PTGR1: variants seen among roughly 807,000 people sequenced by gnomAD.
The protein encoded by PTGR1 is prostaglandin reductase 1.
PTGR1 carries 23 observed loss-of-function variants against 37.7 expected under a neutral mutation model. The observed-to-expected ratio is 0.61, with a 90% confidence interval of 0.44 to 0.86. The LOEUF is 0.86. Among genes scored for constraint, PTGR1 ranks in the 40% least tolerant of loss-of-function variants. PTGR1 has a pLI of 0.00. For synonymous variants in PTGR1, 134 were observed against 140.0 expected (o/e 0.96, Z 0.30); for missense variants, 351 against 394.3 (o/e 0.89, Z 0.93).
intron 2 of PTGR1, among the ~76,000 whole-genome samples, chr9:111,595,860 C>G (rs1193169354): frequency 6.6e-6 from 1 of 152,066 alleles, no homozygotes; most frequent in Non-Finnish European, 1.5e-5. Context: ...GTCTCGATCT[C>G]CTGACCTTGT....
intron 4 of PTGR1, among the ~76,000 whole-genome samples, chr9:111,587,833 T>C (rs1407279441): frequency 6.6e-6 from 1 of 152,208 alleles, no homozygotes; most frequent in East Asian, 1.9e-4. Flanking sequence ...TTGGTCTATA[T>C]AATTTATACT....
intron 6 of PTGR1, 76 bp downstream of exon 6, chr9:111,583,395 AG>A: frequency 8.1e-7 from 1 of 1,236,298 alleles, no homozygotes. Flanking sequence ...CCTGAGGCCA[AG>A]GAAGATTTGC....
Position 111,578,953 on chromosome 9 carries a change from T to C in PTGR1, c.496-2A>G. The C allele has an allele frequency of 2.6e-6, 4 of 1,528,312 alleles. No homozygotes were observed. Among genetic ancestry groups the C allele is most frequent in the East Asian group, 2.3e-5 (1 of 42,792 alleles). 94.7% of individuals were successfully genotyped at this position (1,528,312 alleles called of 1,614,324 possible). A position where few individuals can be genotyped will look rare whatever the true frequency, so the allele number is the denominator to read the frequency against. ...TACTGCTCCAACAACTTTGCAGCCC[T>C]AAGTAGAAAAAAAAAAAAAAAGGAA... On this transcript the variant is annotated splice_acceptor_variant, in intron 6 of 9. Transcript: ENST00000407693. LOFTEE classifies it high-confidence loss of function.
chr9:111,581,122 C>T (rs1162622420), intron 6 of PTGR1, among the ~76,000 whole-genome samples: 1 of 152,160 alleles, frequency 6.6e-6, no homozygotes, highest in East Asian at 1.9e-4. Context: ...TATGAGGAGC[C>T]TCAGCTATGA....
intron 9 of PTGR1, chr9:111,569,875 G>A: frequency 1.5e-6 from 1 of 666,674 alleles, no homozygotes; most frequent in Non-Finnish European, 2.4e-6. Flanking sequence ...AAATGGACCT[G>A]CATTTGCAGT....
downstream of PTGR1, among the ~76,000 whole-genome samples, chr9:111,558,601 G>C (rs1384434168): frequency 6.6e-6 from 1 of 152,162 alleles, no homozygotes; most frequent in African/African-American, 2.4e-5. Context: ...TTTTAGTAGA[G>C]AATAATATAT....
intron 5 of PTGR1, 125 bp downstream of exon 5, chr9:111,585,873 C>T: frequency 9.1e-7 from 1 of 1,104,966 alleles, no homozygotes; most frequent in African/African-American, 1.6e-5. Context: ...CTGCCCTCTT[C>T]TCTGATCAGC....
chr9:111,553,110 TACAC>T (rs1828019083), intron 9 of PTGR1, among the ~76,000 whole-genome samples: 1 of 152,228 alleles, frequency 6.6e-6, no homozygotes, highest in Non-Finnish European at 1.5e-5. Flanking sequence ...TTTTTTGACT[TACAC>T]TCACTAAATG....
chr9:111,572,681 C>T (rs1284888163), intron 8 of PTGR1, among the ~76,000 whole-genome samples: 1 of 138,900 alleles, frequency 7.2e-6, no homozygotes, highest in Non-Finnish European at 1.5e-5. Flanking sequence ...CACTTGAGCC[C>T]AGAAGGTGGA....
At position 111,562,831 on chromosome 9, in the gene PTGR1, G is replaced by T; in HGVS notation, c.*290C>A. 1.6e-6 allele frequency: 1 copy of T among 608,090 alleles called. No homozygotes were observed. The highest frequency in any genetic ancestry group is 2.3e-6 in the Non-Finnish European group (1 of 436,844). The allele number at this position is 608,090 out of a possible 1,614,324, so 37.7% of individuals were successfully genotyped here. A position where few individuals can be genotyped will look rare whatever the true frequency, so the allele number is the denominator to read the frequency against. ...TTCTCATTGTTCAGCTCCCACTTATGAATGAAAACATACAGTGTTTGGAAA... is the reference window on the plus strand; with the variant it reads ...TTCTCATTGTTCAGCTCCCACTTATTAATGAAAACATACAGTGTTTGGAAA... On this transcript the variant is annotated 3_prime_UTR_variant, in exon 10 of 10. Transcript: ENST00000407693.
chr9:111,591,852 A>T (rs899517728), intron 4 of PTGR1, among the ~76,000 whole-genome samples: 1 of 152,236 alleles, frequency 6.6e-6, no homozygotes, highest in Non-Finnish European at 1.5e-5. Context: ...TTGTGAATAC[A>T]AAGTTGCATG....
chr9:111,581,762 C>T (rs1386246987), intron 6 of PTGR1, among the ~76,000 whole-genome samples: 2 of 152,078 alleles, frequency 1.3e-5, no homozygotes, highest in Non-Finnish European at 2.9e-5. Flanking sequence ...AGGCACACAG[C>T]ACTGCACCTG....
At chr9:111,565,777 A>C (rs7871084) in intron 9 of PTGR1, among the ~76,000 whole-genome samples, 8,718 of 151,966 alleles carry the variant, frequency 0.057, 838 homozygotes, top group African/African-American at 0.2. Flanking sequence ...CTCCTGCCTC[A>C]CCCTCCTAAA....
At chr9:111,572,308 A>G (rs576613343) in intron 8 of PTGR1, among the ~76,000 whole-genome samples, 4 of 152,338 alleles carry the variant, frequency 2.6e-5, no homozygotes, top group Admixed American at 6.5e-5. Flanking sequence ...TCTTAAATGA[A>G]AGTGGGATGG....
downstream of PTGR1, among the ~76,000 whole-genome samples, chr9:111,562,302 G>A (rs1268125553): frequency 2.1e-5 from 3 of 143,442 alleles, no homozygotes; most frequent in Non-Finnish European, 3.0e-5. Context: ...TTGAGATAGA[G>A]TCTCGCTCTG....
At chr9:111,568,831 A>C (rs1279227392) in intron 9 of PTGR1, among the ~76,000 whole-genome samples, 1 of 152,210 alleles carries the variant, frequency 6.6e-6, no homozygotes, top group Non-Finnish European at 1.5e-5. Flanking sequence ...CCCCCGATAC[A>C]CTACAAGCAT....
Position 111,563,075 on chromosome 9 carries a change from T to A in PTGR1, c.*46A>T. The A allele has an allele frequency of 6.3e-7, 1 of 1,599,138 alleles. No individual in the cohort carries two copies. Among genetic ancestry groups the A allele is most frequent in the Non-Finnish European group, 8.5e-7 (1 of 1,173,708 alleles). On this transcript the variant is annotated 3_prime_UTR_variant, in exon 10 of 10. Coordinates refer to ENST00000407693, the MANE Select transcript of PTGR1 (RefSeq NM_001146108.2). ...TTTTTGCTAAATGGTGAAAAACAAATTAACTAATCATCTAAATGGCCTCCA... is the reference window on the plus strand; with the variant it reads ...TTTTTGCTAAATGGTGAAAAACAAAATAACTAATCATCTAAATGGCCTCCA...
intron 7 of PTGR1, 80 bp from the exon 8 acceptor site, chr9:111,574,922 T>G (rs1828992733): frequency 9.1e-7 from 1 of 1,104,712 alleles, no homozygotes; most frequent in African/African-American, 1.6e-5. Flanking sequence ...CAAGCATTAT[T>G]TTACAATACC....
intron 9 of PTGR1, among the ~76,000 whole-genome samples, chr9:111,564,689 A>G (rs1182113303): frequency 6.6e-6 from 1 of 152,156 alleles, no homozygotes; most frequent in African/African-American, 2.4e-5. Flanking sequence ...GAAAGGTAGA[A>G]TCCAGTTCAG....
Sources: allele counts gnomAD v4.1 joint callset (sites outside exome capture counted in the v4.1 genomes callset), GRCh38; gene constraint gnomAD v4.1.1; transcripts MANE v1.5; gene names NCBI Gene and HGNC (gene_info 2026-07-23, HGNC 2026-07-21).